Variants in MED12L observed in about 807,000 individuals in gnomAD.
MED12L encodes mediator complex subunit 12L.
In MED12L, 60 loss-of-function variants were observed where a neutral mutation model predicts 281.3. That is an observed-to-expected ratio of 0.21 (90% CI 0.17 to 0.26). The LOEUF is 0.26. Ranked by LOEUF, MED12L falls within the 10% of genes least tolerant of loss-of-function variation. MED12L has a pLI of 1.00. For missense variants in MED12L, 2,146 were observed against 2,680.9 expected (o/e 0.80, Z 4.41); for synonymous variants, 974 against 987.2 (o/e 0.99, Z 0.25).
chr3:151,346,053 C>T (rs1752496944), intron 16 of MED12L, among the ~76,000 whole-genome samples: 1 of 152,108 alleles, frequency 6.6e-6, no homozygotes, highest in Non-Finnish European at 1.5e-5. Context: ...CAGTTTTATC[C>T]CTGCATTCTC....
chr3:151,412,838 T>A (rs1446844910), intron 41 of MED12L, among the ~76,000 whole-genome samples: 1 of 152,224 alleles, frequency 6.6e-6, no homozygotes, highest in Non-Finnish European at 1.5e-5. Context: ...TTCAGACCTT[T>A]AGTACAGTGC....
intron 12 of MED12L, among the ~76,000 whole-genome samples, chr3:151,187,807 C>T (rs1337682938): frequency 6.6e-6 from 1 of 152,192 alleles, no homozygotes; most frequent in Admixed American, 6.5e-5. Context: ...TCCAAAAACA[C>T]AAATAAACCC....
At chr3:151,365,494 G>A (rs1386675334) in intron 22 of MED12L, among the ~76,000 whole-genome samples, 1 of 151,996 alleles carries the variant, frequency 6.6e-6, no homozygotes, top group East Asian at 1.9e-4. Flanking sequence ...AAGAATGCCT[G>A]TATTTTGAAA....
chr3:151,141,188 T>TTTTTTTTTTTTTTG (rs1491198420), intron 5 of MED12L, among the ~76,000 whole-genome samples: 1 of 88,950 alleles, frequency 1.1e-5, no homozygotes, highest in East Asian at 4.6e-4. Flanking sequence ...GTTTTTTTTG[T>TTTTTTTTTTTTTTG]TTTTTTTTTT....
In MED12L at chr3:151,215,823, C is replaced by T. The variant is rs548224149; in HGVS notation, c.2250+22157C>T. Among the ~76,000 whole-genome samples, 4 of 152,312 alleles carry T rather than the reference C, an allele frequency of 2.6e-5. No homozygotes were observed. The South Asian group carries it at 8.3e-4, about 32-fold the overall frequency. ...TTCTGCCTCCTGCTTCCTCCACCCC[C>T]AGCACTGAGTTCCTGCTGTCCTGGG... On this transcript the variant is annotated intron_variant, in intron 16 of 44. Transcript: ENST00000687756.
At chr3:151,241,636 A>C (rs535645430) in intron 16 of MED12L, among the ~76,000 whole-genome samples, 18 of 152,340 alleles carry the variant, frequency 1.2e-4, no homozygotes, top group Admixed American at 9.8e-4. Context: ...ATATACACAC[A>C]CAGTAGGATA....
At chr3:151,292,877 C>G (rs964096768) in intron 16 of MED12L, among the ~76,000 whole-genome samples, 3 of 152,106 alleles carry the variant, frequency 2.0e-5, no homozygotes, top group Non-Finnish European at 4.4e-5. Context: ...TTCAAATTGC[C>G]TTTTCTTAAT....
chr3:151,317,421 TATATAATCATATCAC>T (rs1748405930), intron 16 of MED12L, among the ~76,000 whole-genome samples: 1 of 146,910 alleles, frequency 6.8e-6, no homozygotes, highest in African/African-American at 2.5e-5. Flanking sequence ...ATGACAAATT[TATATAATCATATCAC>T]TTTTTTTTTT....
chr3:151,316,230 G>A (rs903972127), intron 16 of MED12L, among the ~76,000 whole-genome samples: 2 of 152,084 alleles, frequency 1.3e-5, no homozygotes, highest in Admixed American at 6.5e-5. Flanking sequence ...ACGGATAAAC[G>A]ATTATGAAAC....
At chr3:151,378,264 C>T in intron 31 of MED12L, 91 bp downstream of exon 31, 1 of 1,266,936 alleles carries the variant, frequency 7.9e-7, no homozygotes, top group East Asian at 2.7e-5. Flanking sequence ...ACTGTACCCA[C>T]AGTCCACTGA....
At chr3:151,214,837 T>C (rs912039389) in intron 16 of MED12L, among the ~76,000 whole-genome samples, 2 of 152,208 alleles carry the variant, frequency 1.3e-5, no homozygotes, top group Non-Finnish European at 2.9e-5. Context: ...AAAAGCAGAA[T>C]TAATGTTTTA....
intron 16 of MED12L, among the ~76,000 whole-genome samples, chr3:151,203,721 TAAA>T (rs1302046555): frequency 6.6e-6 from 1 of 152,050 alleles, no homozygotes; most frequent in Non-Finnish European, 1.5e-5. Context: ...GAAATAGAAA[TAAA>T]AAAGGAACAT....
chr3:151,280,617 A>T (rs910383907), intron 16 of MED12L, among the ~76,000 whole-genome samples: 5 of 151,718 alleles, frequency 3.3e-5, no homozygotes, highest in African/African-American at 1.2e-4. Context: ...TGTGCACTGT[A>T]TTGGGCTTGT....
chr3:151,339,451 C>CT (rs1751503184), intron 16 of MED12L, among the ~76,000 whole-genome samples: 1 of 147,674 alleles, frequency 6.8e-6, no homozygotes, highest in Non-Finnish European at 1.5e-5. Flanking sequence ...AAAAGCTGAC[C>CT]TTTTTTCTTT....
intron 39 of MED12L, 73 bp from the exon 40 acceptor site, chr3:151,409,170 G>T: frequency 1.7e-6 from 2 of 1,150,780 alleles, no homozygotes; most frequent in East Asian, 2.4e-5. Context: ...TGGGTTATTT[G>T]GATTATTAAC....
chr3:151,128,592 T>C lies in MED12L; in HGVS notation c.556+608T>C, dbSNP rs546315625. 6.6e-5 allele frequency among the ~76,000 whole-genome samples: 10 copies of C among 152,192 alleles called. No homozygotes were observed. The South Asian group carries it at 2.1e-3, about 32-fold the overall frequency. ...TCAGGGCTTCTGTGTTTCTTGTTTG[T>C]TGTACTTGGTTGGTCTTCTCTGGAA... On this transcript the variant is annotated intron_variant, in intron 5 of 44. Coordinates refer to ENST00000687756, the MANE Select transcript of MED12L (RefSeq NM_001393769.1).
chr3:151,209,451 G>GT (rs948914912), intron 16 of MED12L, among the ~76,000 whole-genome samples: 2 of 152,182 alleles, frequency 1.3e-5, no homozygotes, highest in African/African-American at 2.4e-5. Context: ...TGTTAAAGTG[G>GT]TTTTTTTGAC....
chr3:151,195,153 ACT>A (rs899808035), intron 16 of MED12L, among the ~76,000 whole-genome samples: 22 of 152,222 alleles, frequency 1.4e-4, no homozygotes, highest in Admixed American at 9.8e-4. Context: ...ACAGAGGGAG[ACT>A]CTGTCTCAAA....
intron 38 of MED12L, among the ~76,000 whole-genome samples, chr3:151,391,501 A>G (rs992051718): frequency 4.6e-5 from 7 of 151,942 alleles, no homozygotes; most frequent in African/African-American, 1.7e-4. Flanking sequence ...AGCACATCCA[A>G]TCTTTTGGCT....
Sources: allele counts gnomAD v4.1 joint callset (sites outside exome capture counted in the v4.1 genomes callset), GRCh38; gene constraint gnomAD v4.1.1; transcripts MANE v1.5; gene names NCBI Gene and HGNC (gene_info 2026-07-23, HGNC 2026-07-21).